SALL1: variants seen among roughly 807,000 people sequenced by gnomAD.
The protein encoded by SALL1 is spalt like transcription factor 1, also known as sal-like protein 1.
Under a neutral mutation model 73.1 loss-of-function variants are expected in SALL1, and 10 were observed. The ratio of observed to expected loss-of-function variants is 0.14; its 90% CI spans 0.08 to 0.23. The LOEUF (loss-of-function observed/expected upper bound fraction) is 0.23. Among genes scored for constraint, SALL1 ranks in the 10% least tolerant of loss-of-function variants. The pLI is 1.00. For synonymous variants in SALL1, 688 were observed against 689.8 expected (o/e 1.00, Z 0.04); for missense variants, 1,520 against 1,697.3 (o/e 0.90, Z 1.84).
At chr16:51,147,784 C>A (rs1211632014) in intron 1 of SALL1, among the ~76,000 whole-genome samples, 1 of 150,214 alleles carries the variant, frequency 6.7e-6, no homozygotes, top group Non-Finnish European at 1.5e-5. Context: ...AACTCCAACA[C>A]ACACACACAC....
At chr16:51,138,622 TATAG>T in intron 2 of SALL1, 62 bp downstream of exon 2, 5 of 1,558,564 alleles carry the variant, frequency 3.2e-6, no homozygotes, top group Non-Finnish European at 4.4e-6. Flanking sequence ...GGGCATGCAT[TATAG>T]ATAATCAATG....
At position 51,141,283 on chromosome 16, in the gene SALL1, C is replaced by A. The variant is rs1377611548; in HGVS notation, c.939G>T (p.Val313=). The A allele has an allele frequency of 1.9e-6, 3 of 1,614,072 alleles. No homozygotes were observed. In the African/African-American group the frequency reaches 4.0e-5, roughly 22 times the overall value. The part of the protein sequence containing the change: ...LASQSASISG[V]KQLPPIQLPQ... ...GTAGCTGGATTGGGGGTAGCTGTTT[C>A]ACACCACTAATGCTGGCAGATTGGC... Residue 313 remains valine, a synonymous_variant, in exon 2 of 3, where the codon GTG becomes GTT. Coordinates refer to ENST00000251020, the MANE Select transcript of SALL1 (RefSeq NM_002968.3). This position sits in a 1 kb window ranked among gnomAD's most constrained non-coding sequence, Gnocchi z 5.4.
chr16:51,149,694 C>CCCTGT (rs1286420377), intron 1 of SALL1: 1 of 152,200 alleles, frequency 6.6e-6, no homozygotes, highest in African/African-American at 2.4e-5. Flanking sequence ...GACCCCAAGT[C>CCCTGT]AGGATTCCCC....
chr16:51,145,317 C>T (rs1391989769), intron 1 of SALL1, among the ~76,000 whole-genome samples: 2 of 152,062 alleles, frequency 1.3e-5, no homozygotes, highest in Non-Finnish European at 1.5e-5. Flanking sequence ...ATCTGTTACA[C>T]AAGATTGCAA....
In SALL1 at chr16:51,139,922, G is replaced by C; in HGVS notation, c.2300C>G (p.Ser767Cys). The C allele has an allele frequency of 6.2e-7, 1 of 1,614,208 alleles. No homozygotes were observed. The highest frequency in any genetic ancestry group is 8.5e-7 in the Non-Finnish European group (1 of 1,180,032). Residue 767 changes from serine (S) to cysteine (C), a missense_variant, in exon 2 of 3, where the codon TCC becomes TGC. Ser to Cys is a moderately radical substitution (Grantham distance 112). Transcript: ENST00000251020. ...RAMPPLRVQH[S>C]CPICQKKFTN... is the part of the protein sequence containing the mutation. ...GAACTTCTTCTGGCAGATGGGGCAGGAATGCTGGACTCTGAGCGGGGGCAT... is the reference window on the plus strand; with the variant it reads ...GAACTTCTTCTGGCAGATGGGGCAGCAATGCTGGACTCTGAGCGGGGGCAT...
chr16:51,146,432 T>TA (rs1169326110), intron 1 of SALL1, among the ~76,000 whole-genome samples: 2 of 152,092 alleles, frequency 1.3e-5, no homozygotes, highest in African/African-American at 2.4e-5. Context: ...CAGTGACGCG[T>TA]AAAAAAGAGA....
In SALL1 at chr16:51,141,359, T is replaced by C; in HGVS notation, c.863A>G (p.His288Arg). 8.1e-6 allele frequency: 13 copies of C among 1,613,574 alleles called. No individual in the cohort carries two copies. Among genetic ancestry groups the C allele is most frequent in the Non-Finnish European group, 1.1e-5 (13 of 1,179,976 alleles). Residue 288 changes from histidine to arginine, a missense_variant, in exon 2 of 3, where the codon CAT (histidine) becomes CGT (arginine). Coordinates refer to ENST00000251020, the MANE Select transcript of SALL1 (RefSeq NM_002968.3). The surrounding 1 kb of genome is among the most constrained non-coding windows in gnomAD (Gnocchi z 5.4). ...TGCTGCTGCCAGCTGCTGAGATAAA[T>C]GGGAACTTAGCGTGGACAAGGGGTT... ...SANPLSTLSSHLSQQLAAAAG... is the reference protein window; with the variant it reads ...SANPLSTLSSRLSQQLAAAAG...
Position 51,141,744 on chromosome 16 carries a change from C to CGCCGCTGCTGCT in SALL1, c.477_478insAGCAGCAGCGGC (p.Ser159_Gly160insSerSerSerGly), listed in dbSNP as rs1555475415. On this transcript the variant is annotated inframe_insertion, in exon 2 of 3. Coordinates refer to ENST00000251020, the MANE Select transcript of SALL1 (RefSeq NM_002968.3). The surrounding 1 kb of genome is among the most constrained non-coding windows in gnomAD (Gnocchi z 5.4). ...CCTGTGGAGGAGCTGCCGCCGCCGC[C>CGCCGCTGCTGCT]GCTGCTGCTGCTGCTGCTGCTGCTG... is the stretch of plus-strand genomic sequence containing the variant. 3.2e-6 allele frequency: 5 copies of CGCCGCTGCTGCT among 1,579,896 alleles called. No homozygotes were observed. The highest frequency in any genetic ancestry group is 2.3e-5 in the South Asian group (2 of 88,716).
At chr16:51,138,047 C>G (rs1962343956) in intron 2 of SALL1, among the ~76,000 whole-genome samples, 1 of 152,232 alleles carries the variant, frequency 6.6e-6, no homozygotes. Flanking sequence ...AATTATTCAT[C>G]TCACATTACT....
chr16:51,137,233 A>C lies in SALL1; in HGVS notation c.3854T>G (p.Leu1285Arg). 1 of 1,613,988 alleles carries C rather than the reference A, an allele frequency of 6.2e-7. No individual in the cohort carries two copies. Among genetic ancestry groups the C allele is most frequent in the Non-Finnish European group, 8.5e-7 (1 of 1,179,986 alleles). ...VSGLTGNLER[L>R]QNSEPNAPLA... ...GGGAGCATTGGGCTCTGAGTTCTGGAGCCTCTCCAGGTTTCCCGTCAGCCC... is the reference window on the plus strand; with the variant it reads ...GGGAGCATTGGGCTCTGAGTTCTGGCGCCTCTCCAGGTTTCCCGTCAGCCC... Residue 1285 changes from leucine (L) to arginine (R), a missense_variant, in exon 3 of 3, where the codon CTC becomes CGC. Physicochemically the swap from Leu to Arg is moderately radical, Grantham distance 102. Transcript: ENST00000251020.
At chr16:51,147,335 A>C (rs1279696758) in intron 1 of SALL1, among the ~76,000 whole-genome samples, 2 of 152,220 alleles carry the variant, frequency 1.3e-5, no homozygotes, top group Non-Finnish European at 2.9e-5. Flanking sequence ...GCCTGAAGCA[A>C]ATCACAAAAA....
In SALL1 at chr16:51,140,172, G is replaced by A. The variant is rs1597229404; in HGVS notation, c.2050C>T (p.Gln684Ter). 1 of 1,614,170 alleles carries A rather than the reference G, an allele frequency of 6.2e-7. No homozygotes were observed. The highest frequency in any genetic ancestry group is 8.5e-7 in the Non-Finnish European group (1 of 1,180,044). ...TGAAGCTTGGACGTCTCTGATGCCT[G>A]AGCTGAGTCCAGGAGTCCCCCAAAA... ...FPFGGLLDSA[Q>*]ASETSKLQQL... The change falls in exon 2 of 3, where the codon CAG (glutamine) becomes TAG (stop). Residue 684 changes from glutamine (Q) to a stop codon, truncating the protein, a stop_gained. Transcript: ENST00000251020. LOFTEE classifies it high-confidence loss of function. The surrounding 1 kb of genome is among the most constrained non-coding windows in gnomAD (Gnocchi z 5.7).
intron 1 of SALL1, chr16:51,150,408 C>A (rs1465768992): frequency 1.2e-5 from 12 of 985,444 alleles, no homozygotes; most frequent in Non-Finnish European, 1.4e-5. Flanking sequence ...GCAGAGGGTG[C>A]AAGTGTTGTG....
rs201203066 is a variant in SALL1 at position 51,140,893 on chromosome 16, A to T, written c.1329T>A (p.Asp443Glu). ...VTAFEAKSTS[D>E]EAFFKHKCRF... is the part of the protein sequence containing the mutation. ...TGCACTTGTGTTTGAAGAATGCCTCATCGGAAGTACTTTTCGCTTCAAAGG... is the reference window on the plus strand; with the variant it reads ...TGCACTTGTGTTTGAAGAATGCCTCTTCGGAAGTACTTTTCGCTTCAAAGG... Residue 443 changes from aspartate to glutamate, a missense_variant, in exon 2 of 3, where the codon GAT becomes GAA. This residue lies in a region of SALL1 where 540 missense variants were observed against 567.5 expected (regional missense o/e 0.95). Coordinates refer to ENST00000251020, the MANE Select transcript of SALL1 (RefSeq NM_002968.3). This position sits in a 1 kb window ranked among gnomAD's most constrained non-coding sequence, Gnocchi z 5.7. 2 of 1,614,224 alleles carry T rather than the reference A, an allele frequency of 1.2e-6. No homozygotes were observed. Among genetic ancestry groups the T allele is most frequent in the Non-Finnish European group, 1.7e-6 (2 of 1,180,054 alleles).
chr16:51,151,032 G>T (rs1256956625), intron 1 of SALL1, 134 bp downstream of exon 1: 2 of 485,704 alleles, frequency 4.1e-6, no homozygotes, highest in South Asian at 4.4e-5. Flanking sequence ...AAATTACGCC[G>T]AGTGGAAGAA....
At position 51,140,177 on chromosome 16, in the gene SALL1, G is replaced by A. The variant is rs1398915946; in HGVS notation, c.2045C>T (p.Ser682Leu). ...AKFPFGGLLD[S>L]AQASETSKLQ... ...CTTGGACGTCTCTGATGCCTGAGCT[G>A]AGTCCAGGAGTCCCCCAAAAGGAAA... The change falls in exon 2 of 3, where the codon TCA (serine) becomes TTA (leucine). Residue 682 changes from serine to leucine, a missense_variant. Physicochemically the swap from Ser to Leu is moderately radical, Grantham distance 145. Coordinates refer to ENST00000251020, the MANE Select transcript of SALL1 (RefSeq NM_002968.3). The surrounding 1 kb of genome is among the most constrained non-coding windows in gnomAD (Gnocchi z 5.7). The A allele has an allele frequency of 1.9e-6, 3 of 1,614,166 alleles. No homozygotes were observed. Among genetic ancestry groups the A allele is most frequent in the East Asian group, 2.2e-5 (1 of 44,862 alleles).
chr16:51,145,098 T>TA (rs3037182), intron 1 of SALL1, among the ~76,000 whole-genome samples: 59 of 145,864 alleles, frequency 4.0e-4, no homozygotes, highest in Admixed American at 1.6e-3. Flanking sequence ...GTCTTTTACT[T>TA]AAAAAAAAAA....
Position 51,138,963 on chromosome 16 carries a change from T to C in SALL1, c.3259A>G (p.Thr1087Ala). 6.2e-7 allele frequency: 1 copy of C among 1,614,100 alleles called. No individual in the cohort carries two copies. Among genetic ancestry groups the C allele is most frequent in the Non-Finnish European group, 8.5e-7 (1 of 1,180,034 alleles). ...ACATGCACGAAGCCGTTGACCTCTG[T>C]CTTGATGAGAGATGACAACGAGTTG... ...PANSLSSLIK[T>A]EVNGFVHVSP... Residue 1087 changes from threonine (T) to alanine (A), a missense_variant, in exon 2 of 3, where the codon ACA (threonine) becomes GCA (alanine). Thr to Ala is a moderately conservative substitution (Grantham distance 58). Around this residue, in one of 7 missense-constraint regions of SALL1, gnomAD observed 318 missense variants for 357.1 expected, o/e 0.89. Transcript: ENST00000251020.
chr16:51,151,483 C>G (rs1453967559), upstream of SALL1: 2 of 173,566 alleles, frequency 1.2e-5, no homozygotes, highest in Non-Finnish European at 2.4e-5. Context: ...ACCGGGCCAG[C>G]GCTATTCAAA....
Sources: allele counts gnomAD v4.1 joint callset (sites outside exome capture counted in the v4.1 genomes callset), GRCh38; gene constraint gnomAD v4.1.1; regional missense constraint gnomAD v4.1.1; non-coding constraint Gnocchi (gnomAD v3.1); transcripts MANE v1.5; gene names NCBI Gene and HGNC (gene_info 2026-07-23, HGNC 2026-07-21).